FAM20B: variants seen among roughly 807,000 people sequenced by gnomAD.
FAM20B encodes the protein glycosaminoglycan xylosylkinase.
In FAM20B, 23 loss-of-function variants were observed where a neutral mutation model predicts 43.8. The ratio of observed to expected loss-of-function variants is 0.53; its 90% CI spans 0.38 to 0.74. The LOEUF (loss-of-function observed/expected upper bound fraction) is 0.74, where lower values mean the gene tolerates loss of function less well. Ranked by LOEUF, FAM20B falls within the 30% of genes least tolerant of loss-of-function variation. The pLI is 0.00. For synonymous variants in FAM20B, 178 were observed against 192.4 expected, an observed-to-expected ratio of 0.93 and a Z score of 0.62; for missense variants, 440 against 510.5, an observed-to-expected ratio of 0.86 and a Z score of 1.33.
At chr1:179,018,464 G>A in the FAM20B span, among the ~76,000 whole-genome samples, 207 of 152,134 alleles carry the variant, frequency 1.4e-3, 1 homozygote, top group African/African-American at 4.3e-3. Context: ...CCACCATCAC[G>A]CCTGGCTAAT....
In FAM20B at chr1:179,064,497, G is replaced by T; in HGVS notation, c.938+1G>T. ...TCATCCTTCTTGATAATGCCAAAAGGTGAGACCAGCAGGACTGTCCTTGTC... is the reference window on the plus strand; with the variant it reads ...TCATCCTTCTTGATAATGCCAAAAGTTGAGACCAGCAGGACTGTCCTTGTC... On this transcript the variant is annotated splice_donor_variant, in intron 6 of 7. Coordinates refer to ENST00000263733, the MANE Select transcript of FAM20B (RefSeq NM_014864.4). LOFTEE classifies it high-confidence loss of function. 6.2e-7 allele frequency: 1 copy of T among 1,611,180 alleles called. No homozygotes were observed. The highest frequency in any genetic ancestry group is 8.5e-7 in the Non-Finnish European group (1 of 1,177,608).
chr1:179,027,413 A>T (rs1649834043), intron 1 of FAM20B, among the ~76,000 whole-genome samples: 1 of 152,236 alleles, frequency 6.6e-6, no homozygotes, highest in Admixed American at 6.5e-5. Context: ...TGAGAAACTG[A>T]GGTACAAATG....
chr1:179,031,550 A>G lies in FAM20B; in HGVS notation c.-134+5452A>G, dbSNP rs1650013401. Among the ~76,000 whole-genome samples the G allele has an allele frequency of 2.6e-5, 4 of 152,348 alleles. No individual in the cohort carries two copies. The South Asian group carries it at 8.3e-4, about 32-fold the overall frequency. On this transcript the variant is annotated intron_variant, in intron 1 of 7. Transcript: ENST00000263733. ...TTTTTACTTTCACATCCAGCAAGAA[A>G]GACTACCTTAATGCTTCATTAATGC...
intron 2 of FAM20B, among the ~76,000 whole-genome samples, chr1:179,049,043 A>G (rs887196553): frequency 1.3e-5 from 2 of 152,186 alleles, no homozygotes; most frequent in African/African-American, 4.8e-5. Context: ...TCTCCTTTAG[A>G]TTCAGGAAAT....
intron 5 of FAM20B, 44 bp from the exon 6 acceptor site, chr1:179,064,261 G>C: frequency 6.6e-7 from 1 of 1,517,476 alleles, no homozygotes; most frequent in Non-Finnish European, 9.0e-7. Context: ...AACAGTGCCA[G>C]GTACAGTGTT....
rs11299711 is a variant in FAM20B, at chr1:179,072,557, C to CTT, written c.*424_*425dup. On this transcript the variant is annotated 3_prime_UTR_variant, in exon 8 of 8. Transcript: ENST00000263733. ...TGGAAACACTTTGCAATCTCTTTGT[C>CTT]TTTTTTTTTTTTACCAGAACTAGTT... 6.2e-6 allele frequency: 1 copy of CTT among 161,288 alleles called. No homozygotes were observed. The highest frequency in any genetic ancestry group is 1.7e-4 in the South Asian group (1 of 5,840). 10.0% of individuals were successfully genotyped at this position (161,288 alleles called of 1,614,324 possible).
At chr1:179,042,053 AG>A (rs1650572321) in intron 1 of FAM20B, among the ~76,000 whole-genome samples, 1 of 152,284 alleles carries the variant, frequency 6.6e-6, no homozygotes, top group South Asian at 2.1e-4. Flanking sequence ...CTTGCTTATT[AG>A]TGTCACAGGA....
intron 1 of FAM20B, among the ~76,000 whole-genome samples, chr1:179,033,639 T>A (rs1246695928): frequency 6.6e-6 from 1 of 152,240 alleles, no homozygotes; most frequent in East Asian, 1.9e-4. Flanking sequence ...TTTTACAAAC[T>A]ACCTCAAAAT....
chr1:179,068,909 G>C (rs1651802369), intron 7 of FAM20B, among the ~76,000 whole-genome samples: 1 of 152,180 alleles, frequency 6.6e-6, no homozygotes, highest in Non-Finnish European at 1.5e-5. Flanking sequence ...CTAGTTTGCA[G>C]GTGCTGAGCA....
Position 179,054,526 on chromosome 1 carries a change from C to T in FAM20B, c.465-3C>T. The T allele has an allele frequency of 6.3e-7, 1 of 1,597,522 alleles. No individual in the cohort carries two copies. Among genetic ancestry groups the T allele is most frequent in the Non-Finnish European group, 8.6e-7 (1 of 1,165,984 alleles). On this transcript the variant is annotated splice_region_variant and splice_polypyrimidine_tract_variant and intron_variant, in intron 3 of 7. Transcript: ENST00000263733. ...TCTTCTGTTCTTCAATCTTCCAAAC[C>T]AGGATTCTGGGTTTCCACCGAGCCC...
At chr1:179,038,129 G>A (rs1650327248) in intron 1 of FAM20B, among the ~76,000 whole-genome samples, 1 of 152,078 alleles carries the variant, frequency 6.6e-6, no homozygotes, top group Non-Finnish European at 1.5e-5. Context: ...TTATGGGTTG[G>A]TCGGGACAGT....
At chr1:179,046,187 A>G (rs1650765014) in intron 2 of FAM20B, among the ~76,000 whole-genome samples, 1 of 152,178 alleles carries the variant, frequency 6.6e-6, no homozygotes, top group Non-Finnish European at 1.5e-5. Context: ...TCTGCCACAC[A>G]CATGGAATTC....
chr1:179,064,385 T>C lies in FAM20B; in HGVS notation c.827T>C (p.Ile276Thr). 6.2e-7 allele frequency: 1 copy of C among 1,614,126 alleles called. No homozygotes were observed. The change falls in exon 6 of 8, where the codon ATT becomes ACT. Residue 276 changes from isoleucine (I) to threonine (T), a missense_variant. Transcript: ENST00000263733. ...TCTGGCCCGCGCCTCTTGGACATCA[T>C]TGACACAGCTGTCTTTGATTACCTG... ...YDSGPRLLDI[I>T]DTAVFDYLIG...
At chr1:179,041,639 TGG>T in intron 1 of FAM20B, among the ~76,000 whole-genome samples, 2 of 113,306 alleles carry the variant, frequency 1.8e-5, no homozygotes, top group Non-Finnish European at 3.5e-5. Flanking sequence ...AGGGAGACCG[TGG>T]GGAGACGGGA....
intron 2 of FAM20B, among the ~76,000 whole-genome samples, chr1:179,047,007 G>A (rs575673331): frequency 6.6e-6 from 1 of 152,230 alleles, no homozygotes; most frequent in South Asian, 2.1e-4. Flanking sequence ...AAAAAAAAGA[G>A]ATCCTCATCA....
chr1:179,036,456 T>C (rs1650230574), intron 1 of FAM20B, among the ~76,000 whole-genome samples: 1 of 152,196 alleles, frequency 6.6e-6, no homozygotes, highest in Non-Finnish European at 1.5e-5. Flanking sequence ...GTTTGAAGCA[T>C]GTATCGGAGG....
chr1:179,075,604 CT>C lies in FAM20B; in HGVS notation c.*3461del, dbSNP rs1437909228. 6.6e-6 allele frequency: 1 copy of C among 152,548 alleles called. No homozygotes were observed. Among genetic ancestry groups the C allele is most frequent in the Non-Finnish European group, 1.5e-5 (1 of 68,024 alleles). The allele number at this position is 152,548 out of a possible 1,614,324, so 9.4% of individuals were successfully genotyped here. A position where few individuals can be genotyped will look rare whatever the true frequency, so the allele number is the denominator to read the frequency against. Reference sequence around the variant, plus strand: ...GAATGTATTAATAAGGCATTGCCCCCTGTTTGCACTCAGGGTTAATATGTCA... The same window carrying C: ...GAATGTATTAATAAGGCATTGCCCCCGTTTGCACTCAGGGTTAATATGTCA... On this transcript the variant is annotated 3_prime_UTR_variant, in exon 8 of 8. Transcript: ENST00000263733.
chr1:179,032,835 C>T (rs1051706273), intron 1 of FAM20B, among the ~76,000 whole-genome samples: 3 of 152,124 alleles, frequency 2.0e-5, no homozygotes, highest in South Asian at 4.1e-4. Flanking sequence ...TCCCAGGGTA[C>T]TCAGCATTTA....
At chr1:179,069,799 G>T (rs945242773) in intron 7 of FAM20B, among the ~76,000 whole-genome samples, 1 of 152,216 alleles carries the variant, frequency 6.6e-6, no homozygotes, top group Non-Finnish European at 1.5e-5. Flanking sequence ...ACTGTACTCC[G>T]TCTGTGCCTG....
Sources: gnomAD v4.1 joint callset for allele counts (sites outside exome capture counted in the v4.1 genomes callset) on GRCh38, gnomAD v4.1.1 for gene constraint, MANE v1.5 for transcripts, NCBI Gene and HGNC (gene_info 2026-07-23, HGNC 2026-07-21) for gene names.